PTPRD: variants seen among roughly 807,000 people sequenced by gnomAD.
PTPRD encodes protein tyrosine phosphatase receptor type D.
PTPRD carries 34 observed loss-of-function variants against 214.5 expected under a neutral mutation model. The ratio of observed to expected loss-of-function variants is 0.16; its 90% confidence interval spans 0.12 to 0.21. The LOEUF (loss-of-function observed/expected upper bound fraction) is 0.21. Among genes scored for constraint, PTPRD ranks in the 10% least tolerant of loss-of-function variants. PTPRD has a pLI of 1.00. For missense variants in PTPRD, 2,545 were observed against 2,398.7 expected, an observed-to-expected ratio of 1.06 and a Z score of -1.27; for synonymous variants, 1,128 against 845.7, an observed-to-expected ratio of 1.33 and a Z score of -5.79.
intron 11 of PTPRD, among the ~76,000 whole-genome samples, chr9:8,829,034 T>A (rs555852335): frequency 6.6e-6 from 1 of 152,374 alleles, no homozygotes; most frequent in South Asian, 2.1e-4. Context: ...ATTTTAAATT[T>A]ACTGTTGAGA....
chr9:8,940,814 T>C (rs1335244671), intron 11 of PTPRD, among the ~76,000 whole-genome samples: 3 of 115,662 alleles, frequency 2.6e-5, no homozygotes, highest in African/African-American at 1.0e-4. Context: ...AAAACTACCA[T>C]TGCAAAACAT....
At chr9:8,734,660 A>G (rs1473465071) in intron 11 of PTPRD, among the ~76,000 whole-genome samples, 3 of 152,358 alleles carry the variant, frequency 2.0e-5, no homozygotes, top group East Asian at 3.9e-4. Context: ...TAGAGCACCT[A>G]CTGTGTGCAA....
Position 9,811,639 on chromosome 9 carries a change from G to A in PTPRD, c.-367-44788C>T, listed in dbSNP as rs1487801160. Among the ~76,000 whole-genome samples, 4 of 152,114 alleles carry A rather than the reference G, an allele frequency of 2.6e-5. No homozygotes were observed. The East Asian group carries it at 7.7e-4, about 29-fold the overall frequency. ...GAAGAACGGTGTGAACACAGGAGGTGGAGTTTGCAGTGAGCTGAGACCAGG... is the reference window on the plus strand; with the variant it reads ...GAAGAACGGTGTGAACACAGGAGGTAGAGTTTGCAGTGAGCTGAGACCAGG... On this transcript the variant is annotated intron_variant, in intron 5 of 45. Coordinates refer to ENST00000381196, the MANE Select transcript of PTPRD (RefSeq NM_002839.4).
At chr9:10,249,444 G>A (rs554732333) in intron 3 of PTPRD, among the ~76,000 whole-genome samples, 3 of 151,990 alleles carry the variant, frequency 2.0e-5, no homozygotes, top group East Asian at 1.9e-4. Context: ...AGCCAAGATC[G>A]GACCTCAAAA....
At chr9:8,933,577 C>T (rs576267450) in intron 11 of PTPRD, among the ~76,000 whole-genome samples, 1 of 151,832 alleles carries the variant, frequency 6.6e-6, no homozygotes, top group Admixed American at 6.6e-5. Flanking sequence ...ATTCAGTGAG[C>T]TAATGGATAC....
intron 14 of PTPRD, among the ~76,000 whole-genome samples, chr9:8,574,571 G>T (rs543791108): frequency 6.6e-6 from 1 of 152,044 alleles, no homozygotes; most frequent in Admixed American, 6.6e-5. Context: ...CAAATATTTG[G>T]TGGTACATAT....
chr9:10,087,189 CTT>C (rs2098357385), intron 3 of PTPRD, among the ~76,000 whole-genome samples: 2 of 150,056 alleles, frequency 1.3e-5, no homozygotes, highest in South Asian at 2.1e-4. Flanking sequence ...ATAATAAAGA[CTT>C]CGCAAAAAGT....
intron 20 of PTPRD, among the ~76,000 whole-genome samples, chr9:8,519,520 T>C (rs1479575588): frequency 6.6e-6 from 1 of 152,176 alleles, no homozygotes; most frequent in Non-Finnish European, 1.5e-5. Context: ...TGTCCCTGTT[T>C]CCTTGCCAAC....
chr9:8,575,111 G>A (rs935860448), intron 14 of PTPRD, among the ~76,000 whole-genome samples: 2 of 152,068 alleles, frequency 1.3e-5, no homozygotes, highest in Admixed American at 6.6e-5. Flanking sequence ...AAGTAGTTCA[G>A]GCTGCAAACA....
chr9:9,026,345 G>A (rs1569458003), intron 10 of PTPRD, among the ~76,000 whole-genome samples: 2 of 151,956 alleles, frequency 1.3e-5, no homozygotes, highest in African/African-American at 4.8e-5. Flanking sequence ...GAGAGGAGGT[G>A]TAGGCCAGAT....
intron 8 of PTPRD, among the ~76,000 whole-genome samples, chr9:9,525,575 T>C (rs978990662): frequency 1.3e-5 from 2 of 152,088 alleles, no homozygotes; most frequent in African/African-American, 4.8e-5. Context: ...AAGCAACTTA[T>C]GGGGAAGTTA....
intron 3 of PTPRD, among the ~76,000 whole-genome samples, chr9:10,113,022 G>A (rs960043669): frequency 6.6e-6 from 1 of 152,192 alleles, no homozygotes; most frequent in Non-Finnish European, 1.5e-5. Context: ...CTCTGCCAAC[G>A]CCAACCATCA....
intron 9 of PTPRD, among the ~76,000 whole-genome samples, chr9:9,275,332 T>G (rs903422731): frequency 6.8e-6 from 1 of 146,782 alleles, no homozygotes; most frequent in Admixed American, 7.0e-5. Context: ...TTGAAAGTTA[T>G]TCTCAGAAAA....
intron 14 of PTPRD, among the ~76,000 whole-genome samples, chr9:8,544,164 CTTTTTTTTTTT>C (rs373194856): frequency 1.8e-5 from 2 of 111,146 alleles, no homozygotes; most frequent in African/African-American, 7.3e-5. Flanking sequence ...TTTGCCATTA[CTTTTTTTTTTT>C]TTTTTTTTTT....
intron 10 of PTPRD, among the ~76,000 whole-genome samples, chr9:9,168,006 T>A (rs1383930659): frequency 6.6e-6 from 1 of 152,162 alleles, no homozygotes; most frequent in Non-Finnish European, 1.5e-5. Context: ...TAAAATCAGA[T>A]AACTGATTTT....
chr9:8,688,176 T>A (rs561399710), intron 12 of PTPRD, among the ~76,000 whole-genome samples: 3 of 152,224 alleles, frequency 2.0e-5, no homozygotes, highest in African/African-American at 7.2e-5. Flanking sequence ...GTATTTTTAT[T>A]TTTCCTTCTT....
chr9:9,812,941 T>C (rs561437869), intron 5 of PTPRD, among the ~76,000 whole-genome samples: 2 of 152,102 alleles, frequency 1.3e-5, no homozygotes, highest in Admixed American at 6.5e-5. Context: ...AAGATACTTG[T>C]TATCATATTT....
intron 14 of PTPRD, among the ~76,000 whole-genome samples, chr9:8,557,733 A>T (rs2084460891): frequency 1.5e-5 from 2 of 134,284 alleles, no homozygotes; most frequent in Admixed American, 1.5e-4. Context: ...ACAGAGCGAG[A>T]CTGTCTCTCA....
At chr9:9,610,954 T>C (rs2094481074) in intron 7 of PTPRD, among the ~76,000 whole-genome samples, 1 of 152,130 alleles carries the variant, frequency 6.6e-6, no homozygotes, top group Non-Finnish European at 1.5e-5. Flanking sequence ...AGAACAGTGA[T>C]TGGCAAAAAC....
Sources: allele counts gnomAD v4.1 joint callset (sites outside exome capture counted in the v4.1 genomes callset), GRCh38; gene constraint gnomAD v4.1.1; transcripts MANE v1.5; gene names NCBI Gene and HGNC (gene_info 2026-07-23, HGNC 2026-07-21).